The following TANGO6 variants were observed in gnomAD, a reference collection of about 807,000 sequenced individuals.
The protein encoded by TANGO6 is transport and golgi organization 6 homolog.
Under a neutral mutation model 114.2 loss-of-function variants are expected in TANGO6, and 90 were observed. The observed-to-expected ratio is 0.79, with a 90% confidence interval of 0.66 to 0.94. The LOEUF (loss-of-function observed/expected upper bound fraction) is 0.94. TANGO6 is among the 40% of genes least tolerant of loss of function. The probability of loss-of-function intolerance (pLI) is 0.00; values close to 1 mark genes in which losing one functional copy is unlikely to be tolerated. For synonymous variants in TANGO6, 477 were observed against 509.8 expected, an observed-to-expected ratio of 0.94 and a Z score of 0.87; for missense variants, 1,274 against 1,315.3, an observed-to-expected ratio of 0.97 and a Z score of 0.49.
At chr16:68,870,011 GC>G (rs1400942796) in intron 4 of TANGO6, among the ~76,000 whole-genome samples, 1 of 152,168 alleles carries the variant, frequency 6.6e-6, no homozygotes, top group African/African-American at 2.4e-5. Context: ...TGAGGGAGAT[GC>G]GAAACGATTA....
rs149487512 is a variant in TANGO6, at chr16:68,886,377, C to T, written c.1377+5747C>T. Reference sequence around the variant, plus strand: ...GGATTACAGGCATGCACCACCACACCTGGCTAATTTTTTGTCCATTTTTAA... The same window carrying T: ...GGATTACAGGCATGCACCACCACACTTGGCTAATTTTTTGTCCATTTTTAA... On this transcript the variant is annotated intron_variant, in intron 7 of 17. Coordinates refer to ENST00000261778, the MANE Select transcript of TANGO6 (RefSeq NM_024562.2). Among the ~76,000 whole-genome samples the T allele has an allele frequency of 2.7e-3, 388 of 141,560 alleles. 5 individuals carry two copies. Among genetic ancestry groups the T allele is most frequent in the African/African-American group, 0.01 (370 of 35,356 alleles). 92.9% of individuals were successfully genotyped at this position (141,560 alleles called of 152,430 possible). A position where few individuals can be genotyped will look rare whatever the true frequency, so the allele number is the denominator to read the frequency against.
chr16:68,875,276 GAC>G lies in TANGO6; in HGVS notation c.1119_1120del (p.Ile374LeufsTer13). 6.2e-7 allele frequency: 1 copy of G among 1,613,054 alleles called. No individual in the cohort carries two copies. Among genetic ancestry groups the G allele is most frequent in the Non-Finnish European group, 8.5e-7 (1 of 1,179,354 alleles). ...QSLSPENYYR[D>X]ICPQVLDLFH... ...TCTTTCACCAGAGAATTACTACAGG[GAC>G]ATCTGCCCCCAGGTAAATCTTTTTG... On this transcript the variant is annotated frameshift_variant, in exon 5 of 18. Coordinates refer to ENST00000261778, the MANE Select transcript of TANGO6 (RefSeq NM_024562.2). LOFTEE classifies it high-confidence loss of function.
intron 12 of TANGO6, among the ~76,000 whole-genome samples, 165 bp downstream of exon 12, chr16:68,919,384 C>G (rs930420461): frequency 2.0e-5 from 3 of 152,184 alleles, no homozygotes; most frequent in South Asian, 4.1e-4. Context: ...AAGTAGAGAA[C>G]AAGAAAGTTG....
intron 2 of TANGO6, among the ~76,000 whole-genome samples, chr16:68,862,590 T>C (rs997485727): frequency 1.3e-5 from 2 of 152,170 alleles, no homozygotes; most frequent in Non-Finnish European, 2.9e-5. Context: ...GCAGGGGATA[T>C]GCCTCTGAAA....
intron 7 of TANGO6, among the ~76,000 whole-genome samples, chr16:68,882,219 G>A (rs1441074183): frequency 5.9e-5 from 9 of 151,974 alleles, no homozygotes; most frequent in African/African-American, 2.2e-4. Flanking sequence ...CATATAGGCC[G>A]GGCACGGTGG....
intron 7 of TANGO6, among the ~76,000 whole-genome samples, chr16:68,890,992 T>G (rs1442146476): frequency 6.9e-6 from 1 of 143,988 alleles, no homozygotes; most frequent in Non-Finnish European, 1.5e-5. Flanking sequence ...ACCAGTGCAC[T>G]CCAACCGGGG....
intron 7 of TANGO6, among the ~76,000 whole-genome samples, chr16:68,885,328 C>G (rs1962525702): frequency 6.6e-6 from 1 of 152,158 alleles, no homozygotes; most frequent in Non-Finnish European, 1.5e-5. Flanking sequence ...CCACTCATTT[C>G]AAGTGTACAG....
chr16:69,023,457 A>C (rs1210403125), intron 16 of TANGO6, among the ~76,000 whole-genome samples: 1 of 152,162 alleles, frequency 6.6e-6, no homozygotes, highest in Non-Finnish European at 1.5e-5. Flanking sequence ...TTCTGTCTCA[A>C]AAAAAACAAA....
intron 7 of TANGO6, 118 bp downstream of exon 7, chr16:68,880,748 C>T: frequency 3.5e-6 from 2 of 569,434 alleles, no homozygotes; most frequent in South Asian, 3.3e-5. Context: ...TGGTCTTGAA[C>T]TCCTGGCCTC....
At chr16:68,882,114 G>A (rs1049157345) in intron 7 of TANGO6, among the ~76,000 whole-genome samples, 1 of 152,120 alleles carries the variant, frequency 6.6e-6, no homozygotes, top group African/African-American at 2.4e-5. Context: ...TTGGAAAATA[G>A]TTTGACATTT....
intron 17 of TANGO6, among the ~76,000 whole-genome samples, chr16:69,046,499 G>T (rs920200519): frequency 6.6e-6 from 1 of 151,892 alleles, no homozygotes; most frequent in Admixed American, 6.6e-5. Flanking sequence ...TGTATTTTTA[G>T]TAGACAGGTT....
At chr16:68,948,430 C>G (rs1310750608) in intron 14 of TANGO6, among the ~76,000 whole-genome samples, 1 of 152,200 alleles carries the variant, frequency 6.6e-6, no homozygotes, top group Non-Finnish European at 1.5e-5. Context: ...TGTTAAGTAA[C>G]TGGCCCACAG....
intron 17 of TANGO6, among the ~76,000 whole-genome samples, chr16:69,062,001 CAG>C (rs1485890417): frequency 2.0e-5 from 3 of 152,040 alleles, no homozygotes; most frequent in Non-Finnish European, 4.4e-5. Flanking sequence ...GCCTTGGCGA[CAG>C]AGCGAGACTC....
chr16:68,982,346 C>CT (rs1167469983), intron 15 of TANGO6, among the ~76,000 whole-genome samples: 12 of 151,750 alleles, frequency 7.9e-5, no homozygotes, highest in African/African-American at 9.7e-5. Flanking sequence ...TATCTCATAC[C>CT]TTTTTTTTAG....
chr16:68,868,492 ATT>A (rs765054621), intron 4 of TANGO6, among the ~76,000 whole-genome samples: 5,084 of 93,586 alleles, frequency 0.054, 100 homozygotes, highest in African/African-American at 0.17. Flanking sequence ...CTATATTTCT[ATT>A]TTTTTTTTTT....
At position 69,022,971 on chromosome 16, in the gene TANGO6, G is replaced by T; in HGVS notation, c.2986G>T (p.Val996Phe). The T allele has an allele frequency of 6.3e-7, 1 of 1,589,332 alleles. No individual in the cohort carries two copies. The highest frequency in any genetic ancestry group is 8.5e-7 in the Non-Finnish European group (1 of 1,172,326). ...GCTGGACTTTCTGCTGGGCTCCGTG[G>T]TCCATGAGGTACTGTATTTTGATTC... ...QRLDFLLGSV[V>F]HEVTACLIAV... Residue 996 changes from valine to phenylalanine, a missense_variant, in exon 16 of 18, where the codon GTC becomes TTC. Physicochemically the swap from Val to Phe is conservative, Grantham distance 50. Coordinates refer to ENST00000261778, the MANE Select transcript of TANGO6 (RefSeq NM_024562.2).
At chr16:68,890,841 C>G (rs1027595760) in intron 7 of TANGO6, among the ~76,000 whole-genome samples, 1 of 151,638 alleles carries the variant, frequency 6.6e-6, no homozygotes, top group Admixed American at 6.6e-5. Flanking sequence ...GCCAACATGG[C>G]GAAACCCCAT....
intron 15 of TANGO6, among the ~76,000 whole-genome samples, chr16:68,979,596 T>G (rs1335995797): frequency 6.6e-6 from 1 of 152,180 alleles, no homozygotes. Flanking sequence ...GTTTATATTA[T>G]CAATGTTTGT....
chr16:68,857,638 AAT>A (rs1962019329), intron 1 of TANGO6, among the ~76,000 whole-genome samples: 1 of 152,184 alleles, frequency 6.6e-6, no homozygotes, highest in Non-Finnish European at 1.5e-5. Flanking sequence ...TCCCACCAGC[AAT>A]GAATGAGAGT....
Sources: gnomAD v4.1 joint callset for allele counts (sites outside exome capture counted in the v4.1 genomes callset) on GRCh38, gnomAD v4.1.1 for gene constraint, MANE v1.5 for transcripts, NCBI Gene and HGNC (gene_info 2026-07-23, HGNC 2026-07-21) for gene names.